Variants in KCTD8 observed in about 807,000 individuals in gnomAD.
The protein encoded by KCTD8 is BTB/POZ domain-containing protein KCTD8.
Under a neutral mutation model 31.5 loss-of-function variants are expected in KCTD8, and 27 were observed. That is an observed-to-expected ratio of 0.86 (90% CI 0.63 to 1.18). The LOEUF is 1.18. Ranked by LOEUF, KCTD8 falls within the 50% of genes most tolerant of loss-of-function variation. The pLI is 0.00. For missense variants in KCTD8, 658 were observed against 647.7 expected (o/e 1.02, Z -0.17); for synonymous variants, 290 against 280.0 (o/e 1.04, Z -0.36).
At chr4:44,179,424 TAAA>T (rs1713311332) in intron 1 of KCTD8, among the ~76,000 whole-genome samples, 1 of 150,636 alleles carries the variant, frequency 6.6e-6, no homozygotes, top group South Asian at 2.1e-4. Flanking sequence ...GCTTTAAAAA[TAAA>T]AAGAACTTAA....
At chr4:44,300,574 A>G (rs1319097319) in intron 1 of KCTD8, among the ~76,000 whole-genome samples, 1 of 152,312 alleles carries the variant, frequency 6.6e-6, no homozygotes, top group African/African-American at 2.4e-5. Context: ...AAAAGGTTAC[A>G]GAAAAGAATA....
At chr4:44,251,728 T>C (rs934606536) in intron 1 of KCTD8, among the ~76,000 whole-genome samples, 1 of 151,578 alleles carries the variant, frequency 6.6e-6, no homozygotes, top group Non-Finnish European at 1.5e-5. Context: ...ATGCATCTTA[T>C]AGGTCTTGGA....
chr4:44,217,283 G>C (rs2109346240), intron 1 of KCTD8, among the ~76,000 whole-genome samples: 1 of 152,208 alleles, frequency 6.6e-6, no homozygotes, highest in Non-Finnish European at 1.5e-5. Context: ...AAAAATAAAG[G>C]AATCTCTTGT....
At chr4:44,404,769 A>G (rs1477712598) in intron 1 of KCTD8, among the ~76,000 whole-genome samples, 1 of 152,208 alleles carries the variant, frequency 6.6e-6, no homozygotes, top group African/African-American at 2.4e-5. Context: ...TTCAGATTAC[A>G]TCATTTTACA....
chr4:44,389,950 T>C (rs766625102), intron 1 of KCTD8, among the ~76,000 whole-genome samples: 11 of 152,046 alleles, frequency 7.2e-5, no homozygotes, highest in Non-Finnish European at 1.3e-4. Flanking sequence ...GAATTGTCTG[T>C]TCATGTCCTT....
At chr4:44,203,708 G>T (rs948565679) in intron 1 of KCTD8, among the ~76,000 whole-genome samples, 29 of 151,786 alleles carry the variant, frequency 1.9e-4, no homozygotes, top group African/African-American at 6.3e-4. Flanking sequence ...AGATTTTGTG[G>T]TATGTCTGAT....
chr4:44,226,976 C>T (rs1367043313), intron 1 of KCTD8, among the ~76,000 whole-genome samples: 1 of 149,954 alleles, frequency 6.7e-6, no homozygotes, highest in Non-Finnish European at 1.5e-5. Flanking sequence ...ACATTTTCTT[C>T]CATTCTTTAG....
intron 1 of KCTD8, among the ~76,000 whole-genome samples, chr4:44,390,817 G>GAAC (rs763700674): frequency 1.3e-5 from 2 of 152,040 alleles, no homozygotes. Context: ...GGTGAAAAGG[G>GAAC]AACAGTTTTA....
chr4:44,240,768 G>C (rs1715436401), intron 1 of KCTD8, among the ~76,000 whole-genome samples: 1 of 152,184 alleles, frequency 6.6e-6, no homozygotes, highest in African/African-American at 2.4e-5. Flanking sequence ...TCCTCAGACT[G>C]AAATTGTTAC....
chr4:44,334,336 T>C (rs1195737279), intron 1 of KCTD8, among the ~76,000 whole-genome samples: 1 of 152,076 alleles, frequency 6.6e-6, no homozygotes, highest in African/African-American at 2.4e-5. Flanking sequence ...AAAGCAGAAA[T>C]TGTACAGGAT....
At chr4:44,192,837 A>C (rs1362570214) in intron 1 of KCTD8, among the ~76,000 whole-genome samples, 1 of 152,156 alleles carries the variant, frequency 6.6e-6, no homozygotes, top group Non-Finnish European at 1.5e-5. Flanking sequence ...GAGGCAGAAG[A>C]ATACGGAGAG....
At position 44,174,921 on chromosome 4, in the gene KCTD8, A is replaced by C; in HGVS notation, c.1291T>G (p.Cys431Gly). ...RETNLSKKKV[C>G]EKLSVEEEMK... ...TCTTCTTCCACACTTAGCTTCTCAC[A>C]GACTTTCTTTTTGGACAGATTTGTT... The change falls in exon 2 of 2, where the codon TGT (cysteine) becomes GGT (glycine). Residue 431 changes from cysteine (C) to glycine (G), a missense_variant. By Grantham distance (159) the Cys-to-Gly change is radical. Coordinates refer to ENST00000360029, the MANE Select transcript of KCTD8 (RefSeq NM_198353.3). 6.2e-7 allele frequency: 1 copy of C among 1,614,116 alleles called. No individual in the cohort carries two copies. The highest frequency in any genetic ancestry group is 8.5e-7 in the Non-Finnish European group (1 of 1,179,996).
intron 1 of KCTD8, among the ~76,000 whole-genome samples, chr4:44,192,439 TC>T (rs1055948996): frequency 6.6e-6 from 1 of 151,050 alleles, no homozygotes; most frequent in Admixed American, 6.6e-5. Context: ...AAAAAATCTA[TC>T]TCAAACAGTG....
intron 1 of KCTD8, among the ~76,000 whole-genome samples, chr4:44,193,111 T>C (rs533735143): frequency 6.6e-6 from 1 of 152,298 alleles, no homozygotes; most frequent in Non-Finnish European, 1.5e-5. Context: ...TTGAAAAAGA[T>C]AATAAGCTGA....
chr4:44,239,771 T>C (rs1715396851), intron 1 of KCTD8, among the ~76,000 whole-genome samples: 2 of 152,238 alleles, frequency 1.3e-5, no homozygotes, highest in South Asian at 2.1e-4. Flanking sequence ...ACCATCTTTT[T>C]GTCTCACGTT....
intron 1 of KCTD8, among the ~76,000 whole-genome samples, chr4:44,243,098 T>C (rs1715552863): frequency 6.6e-6 from 1 of 152,026 alleles, no homozygotes; most frequent in East Asian, 1.9e-4. Context: ...AAAAATAATA[T>C]ATGAAATTGG....
intron 1 of KCTD8, among the ~76,000 whole-genome samples, chr4:44,267,252 G>T (rs1390481790): frequency 6.6e-6 from 1 of 152,070 alleles, no homozygotes; most frequent in Non-Finnish European, 1.5e-5. Flanking sequence ...ACTCAAAACC[G>T]CTGAACTACA....
At chr4:44,232,206 T>C (rs1715137014) in intron 1 of KCTD8, among the ~76,000 whole-genome samples, 1 of 152,160 alleles carries the variant, frequency 6.6e-6, no homozygotes, top group Non-Finnish European at 1.5e-5. Context: ...CTCCTTCATA[T>C]TGCTCAAACA....
chr4:44,191,221 A>G (rs745541993), intron 1 of KCTD8, among the ~76,000 whole-genome samples: 42 of 152,170 alleles, frequency 2.8e-4, no homozygotes, highest in Non-Finnish European at 4.7e-4. Context: ...AATTTCTTAT[A>G]CCTGTCTTAC....
Sources: gnomAD v4.1 joint callset for allele counts (sites outside exome capture counted in the v4.1 genomes callset) on GRCh38, gnomAD v4.1.1 for gene constraint, MANE v1.5 for transcripts, NCBI Gene and HGNC (gene_info 2026-07-23, HGNC 2026-07-21) for gene names.